Variants in PDE6D observed in about 807,000 individuals in gnomAD.
PDE6D encodes retinal rod rhodopsin-sensitive cGMP 3',5'-cyclic phosphodiesterase subunit delta.
Under a neutral mutation model 21.9 loss-of-function variants are expected in PDE6D, and 10 were observed. That is an observed-to-expected ratio of 0.46 (90% confidence interval 0.28 to 0.78). The LOEUF (loss-of-function observed/expected upper bound fraction) is 0.78, where lower values mean the gene tolerates loss of function less well. PDE6D is among the 30% of genes least tolerant of loss of function. The probability of loss-of-function intolerance (pLI) is 0.12; values close to 1 mark genes in which losing one functional copy is unlikely to be tolerated. For missense variants in PDE6D, 139 were observed against 184.8 expected, an observed-to-expected ratio of 0.75 and a Z score of 1.44; for synonymous variants, 59 against 63.5, an observed-to-expected ratio of 0.93 and a Z score of 0.34.
At chr2:231,775,147 C>T (rs927671916) in intron 1 of PDE6D, among the ~76,000 whole-genome samples, 1 of 152,014 alleles carries the variant, frequency 6.6e-6, no homozygotes, top group Non-Finnish European at 1.5e-5. Context: ...CTCTTGGCCT[C>T]AAGTGATCTG....
chr2:231,733,047 G>C lies in PDE6D; in HGVS notation c.372-14C>G. The C allele has an allele frequency of 6.5e-7, 1 of 1,533,392 alleles. No individual in the cohort carries two copies. The highest frequency in any genetic ancestry group is 1.7e-5 in the Admixed American group (1 of 59,584). The allele number at this position is 1,533,392 out of a possible 1,614,324, so 95.0% of individuals were successfully genotyped here. A position where few individuals can be genotyped will look rare whatever the true frequency, so the allele number is the denominator to read the frequency against. ...ATAACGTTCCCACTGTAAGTAAGAA[G>C]AGAAACAGAGGGCAAAAGAGAGTGA... On this transcript the variant is annotated splice_polypyrimidine_tract_variant and intron_variant, in intron 4 of 4. Transcript: ENST00000287600.
At chr2:231,774,834 G>A (rs993954357) in intron 1 of PDE6D, among the ~76,000 whole-genome samples, 4 of 151,460 alleles carry the variant, frequency 2.6e-5, no homozygotes, top group African/African-American at 7.3e-5. Context: ...CAAGTAATCC[G>A]CCCACCTTGG....
At chr2:231,736,001 CT>C (rs1405616863) in intron 4 of PDE6D, among the ~76,000 whole-genome samples, 1 of 149,792 alleles carries the variant, frequency 6.7e-6, no homozygotes, top group East Asian at 2.0e-4. Context: ...GCACTCCAGC[CT>C]GGGTGACAGG....
chr2:231,750,073 T>C (rs914942328), intron 1 of PDE6D, among the ~76,000 whole-genome samples: 1 of 152,140 alleles, frequency 6.6e-6, no homozygotes, highest in Non-Finnish European at 1.5e-5. Context: ...TCATGGGGGC[T>C]GGTCATTCTC....
At chr2:231,764,612 C>A (rs1359649244) in intron 1 of PDE6D, among the ~76,000 whole-genome samples, 1 of 152,042 alleles carries the variant, frequency 6.6e-6, no homozygotes, top group African/African-American at 2.4e-5. Flanking sequence ...TGCTATATGC[C>A]TCAGGTGAAG....
chr2:231,759,982 A>T (rs1439399701), intron 1 of PDE6D, among the ~76,000 whole-genome samples: 1 of 152,244 alleles, frequency 6.6e-6, no homozygotes, highest in Non-Finnish European at 1.5e-5. Context: ...TTAGAACAAT[A>T]AGGTAAACAT....
rs181258075 is a variant in PDE6D, at chr2:231,762,870, G to A, written c.50+18195C>T. The stretch of plus-strand genomic sequence containing the variant: ...TCCCAGAACTTTGGGAGGCCAAGCC[G>A]GGAGGATCAGCTGAGCCCAGGAGTT... On this transcript the variant is annotated intron_variant, in intron 1 of 4. Transcript: ENST00000287600. Among the ~76,000 whole-genome samples, 768 of 152,078 alleles carry A rather than the reference G, an allele frequency of 5.1e-3. 2 individuals are homozygous for A. The highest frequency in any genetic ancestry group is 0.028 in the Admixed American group (424 of 15,276).
At chr2:231,780,409 T>C (rs1278004039) in intron 1 of PDE6D, among the ~76,000 whole-genome samples, 1 of 152,156 alleles carries the variant, frequency 6.6e-6, no homozygotes, top group Non-Finnish European at 1.5e-5. Context: ...GACCAATGCC[T>C]GAGAAGGCCA....
At chr2:231,759,316 A>G (rs1197832930) in intron 1 of PDE6D, among the ~76,000 whole-genome samples, 4 of 152,152 alleles carry the variant, frequency 2.6e-5, no homozygotes, top group Non-Finnish European at 5.9e-5. Context: ...ACCCTGTCTC[A>G]AAATAAATAA....
At chr2:231,768,533 A>G (rs1307260045) in intron 1 of PDE6D, 2 of 152,170 alleles carry the variant, frequency 1.3e-5, no homozygotes, top group East Asian at 3.9e-4. Flanking sequence ...GATTACAAGC[A>G]TGCACCACCA....
chr2:231,775,618 C>G (rs540005142), intron 1 of PDE6D, among the ~76,000 whole-genome samples: 1 of 151,884 alleles, frequency 6.6e-6, no homozygotes, highest in Admixed American at 6.6e-5. Context: ...CCCCTGCACC[C>G]GGAAGATAGT....
chr2:231,763,652 T>A (rs1020535405), intron 1 of PDE6D, among the ~76,000 whole-genome samples: 1 of 151,506 alleles, frequency 6.6e-6, no homozygotes. Flanking sequence ...TTTTTTTTTT[T>A]AGAGACAGGG....
intron 1 of PDE6D, among the ~76,000 whole-genome samples, chr2:231,760,350 T>C (rs1299143547): frequency 1.3e-5 from 2 of 152,220 alleles, no homozygotes; most frequent in Non-Finnish European, 2.9e-5. Context: ...GAGTACTAGA[T>C]AGTATGCTAA....
At chr2:231,753,698 A>C (rs1373848095) in intron 1 of PDE6D, among the ~76,000 whole-genome samples, 2 of 152,242 alleles carry the variant, frequency 1.3e-5, no homozygotes, top group Non-Finnish European at 2.9e-5. Context: ...AAAAATGTAA[A>C]AAACCCCTCT....
chr2:231,747,745 C>T (rs1032292834), intron 1 of PDE6D, among the ~76,000 whole-genome samples: 1 of 152,188 alleles, frequency 6.6e-6, no homozygotes, highest in African/African-American at 2.4e-5. Context: ...AACTCTTTCT[C>T]CAATACACTA....
rs1359232258 is a variant in PDE6D, at chr2:231,737,232, A to G, written c.326T>C (p.Ile109Thr). 1 of 1,613,112 alleles carries G rather than the reference A, an allele frequency of 6.2e-7. No homozygotes were observed. Among genetic ancestry groups the G allele is most frequent in the African/African-American group, 1.3e-5 (1 of 74,880 alleles). Residue 109 changes from isoleucine (I) to threonine (T), a missense_variant, in exon 4 of 5, where the codon ATA (isoleucine) becomes ACA (threonine). Transcript: ENST00000287600. ...PNSTNTWQSLIEAAPESQMMP... is the reference protein window; with the variant it reads ...PNSTNTWQSLTEAAPESQMMP... Reference sequence around the variant, plus strand: ...CATCTGGGACTCGGGTGCTGCCTCTATCAAGGACTGCCAGGTATTTGTGGA... The same window carrying G: ...CATCTGGGACTCGGGTGCTGCCTCTGTCAAGGACTGCCAGGTATTTGTGGA...
At position 231,744,064 on chromosome 2, in the gene PDE6D, C is replaced by T. The variant is rs577881823; in HGVS notation, c.51-4876G>A. On this transcript the variant is annotated intron_variant, in intron 1 of 4. Transcript: ENST00000287600. ...TCTTAAATTAAACAATAAGACTAAA[C>T]AAAACTAAAATGACTTCTACAGTTC... Among the ~76,000 whole-genome samples, 6 of 152,264 alleles carry T rather than the reference C, an allele frequency of 3.9e-5. No homozygotes were observed. In the East Asian group the frequency reaches 5.8e-4, roughly 15 times the overall value.
In PDE6D at chr2:231,737,934, G is replaced by A. The variant is rs1332208492; in HGVS notation, c.265+79C>T. On this transcript the variant is annotated intron_variant, in intron 3 of 4. Transcript: ENST00000287600. ...GTAAAAGGAATGTTATCAAAGCACT[G>A]CTTTAGTTCACTGGGTATTGTTGCC... 8.2e-6 allele frequency: 11 copies of A among 1,345,932 alleles called. No homozygotes were observed. In the East Asian group the frequency reaches 2.3e-4, roughly 29 times the overall value. The allele number at this position is 1,345,932 out of a possible 1,614,324, so 83.4% of individuals were successfully genotyped here. A position where few individuals can be genotyped will look rare whatever the true frequency, so the allele number is the denominator to read the frequency against.
At chr2:231,763,643 T>C (rs1022622758) in intron 1 of PDE6D, among the ~76,000 whole-genome samples, 5 of 151,796 alleles carry the variant, frequency 3.3e-5, no homozygotes, top group Non-Finnish European at 7.4e-5. Context: ...TTTTTCTTTT[T>C]TTTTTTTTTA....
Sources: allele counts gnomAD v4.1 joint callset (sites outside exome capture counted in the v4.1 genomes callset), GRCh38; gene constraint gnomAD v4.1.1; transcripts MANE v1.5; gene names NCBI Gene and HGNC (gene_info 2026-07-23, HGNC 2026-07-21).